Variants in TOPAZ1 observed in about 807,000 individuals in gnomAD.
The protein encoded by TOPAZ1 is testis and ovary specific TOPAZ 1.
In TOPAZ1, 66 loss-of-function variants were observed where a neutral mutation model predicts 172.2. That is an observed-to-expected ratio of 0.38 (90% CI 0.31 to 0.47). The LOEUF is 0.47. Among genes scored for constraint, TOPAZ1 ranks in the 20% least tolerant of loss-of-function variants. The probability of loss-of-function intolerance (pLI) is 0.99; values close to 1 mark genes in which losing one functional copy is unlikely to be tolerated. For missense variants in TOPAZ1, 1,822 were observed against 1,972.4 expected (o/e 0.92, Z 1.44); for synonymous variants, 681 against 683.9 (o/e 1.00, Z 0.07).
At chr3:44,254,269 A>T (rs894082858) in intron 2 of TOPAZ1, among the ~76,000 whole-genome samples, 2 of 152,294 alleles carry the variant, frequency 1.3e-5, no homozygotes, top group East Asian at 1.9e-4. Context: ...CTACCAAAAA[A>T]AATTGAGCTG....
At chr3:44,260,534 T>G (rs1699764265) in intron 4 of TOPAZ1, among the ~76,000 whole-genome samples, 1 of 152,120 alleles carries the variant, frequency 6.6e-6, no homozygotes, top group Non-Finnish European at 1.5e-5. Context: ...TGGTGTTACT[T>G]ATTATGTAAA....
intron 9 of TOPAZ1, among the ~76,000 whole-genome samples, chr3:44,286,563 G>A (rs1700081057): frequency 6.6e-6 from 1 of 152,088 alleles, no homozygotes; most frequent in Non-Finnish European, 1.5e-5. Context: ...TTTCATTTGT[G>A]CCACTGAACT....
chr3:44,328,177 G>A (rs1361799738), intron 18 of TOPAZ1, 73 bp from the exon 19 acceptor site: 1 of 889,866 alleles, frequency 1.1e-6, no homozygotes, highest in South Asian at 2.0e-5. Flanking sequence ...ATTATCGCCT[G>A]TAGGTATTTC....
At chr3:44,288,780 C>T (rs1322224526) in intron 11 of TOPAZ1, among the ~76,000 whole-genome samples, 1 of 152,116 alleles carries the variant, frequency 6.6e-6, no homozygotes. Flanking sequence ...GCAAAATGTA[C>T]CCCGCAGTGA....
chr3:44,317,135 C>T (rs900240405), intron 16 of TOPAZ1, among the ~76,000 whole-genome samples: 16 of 152,226 alleles, frequency 1.1e-4, no homozygotes, highest in South Asian at 4.1e-4. Context: ...CAAATGTATA[C>T]CTTGGCTGGG....
Position 44,242,315 on chromosome 3 carries a change from CCGGTG to C in TOPAZ1, c.263_267del (p.Pro88GlnfsTer18). ...GCGTCAGGTGGAGGGGCGCAGGGGC[CCGGTG>C]AGCCCGTCAGACTCGTCAGACCCGC... On this transcript the variant is annotated frameshift_variant, in exon 1 of 20. Coordinates refer to ENST00000309765, the MANE Select transcript of TOPAZ1 (RefSeq NM_001145030.2). LOFTEE classifies it high-confidence loss of function. 1 of 1,552,008 alleles carries C rather than the reference CCGGTG, an allele frequency of 6.4e-7. No homozygotes were observed. Among genetic ancestry groups the C allele is most frequent in the Middle Eastern group, 1.7e-4 (1 of 5,994 alleles).
intron 12 of TOPAZ1, among the ~76,000 whole-genome samples, chr3:44,292,596 T>C (rs1700149776): frequency 6.6e-6 from 1 of 152,206 alleles, no homozygotes; most frequent in Admixed American, 6.5e-5. Flanking sequence ...CATGCAATGA[T>C]TGACAGCAGA....
intron 12 of TOPAZ1, among the ~76,000 whole-genome samples, chr3:44,300,606 A>G (rs62251338): frequency 1.5e-4 from 23 of 152,298 alleles, no homozygotes; most frequent in African/African-American, 5.5e-4. Flanking sequence ...TTTTTTTTAA[A>G]TATTGTTAAC....
At chr3:44,268,560 G>A (rs1035112409) in intron 6 of TOPAZ1, among the ~76,000 whole-genome samples, 1 of 151,682 alleles carries the variant, frequency 6.6e-6, no homozygotes, top group Non-Finnish European at 1.5e-5. Context: ...TTTTAGTAGA[G>A]ACGAGGTTTC....
chr3:44,282,505 C>T (rs1206648463), intron 9 of TOPAZ1, among the ~76,000 whole-genome samples: 1 of 152,170 alleles, frequency 6.6e-6, no homozygotes, highest in Non-Finnish European at 1.5e-5. Context: ...CTGGTTCCAT[C>T]CCATTTCCTC....
chr3:44,254,430 C>T (rs1374792763), intron 2 of TOPAZ1, among the ~76,000 whole-genome samples: 1 of 151,994 alleles, frequency 6.6e-6, no homozygotes, highest in Non-Finnish European at 1.5e-5. Context: ...GAGTTTGAGA[C>T]CAGCCTGACC....
At chr3:44,287,102 G>A (rs1331140637) in intron 9 of TOPAZ1, among the ~76,000 whole-genome samples, 1 of 152,176 alleles carries the variant, frequency 6.6e-6, no homozygotes, top group Non-Finnish European at 1.5e-5. Context: ...CTCTGTAGGA[G>A]CTCATATTGA....
At chr3:44,247,895 C>T (rs902429877) in intron 2 of TOPAZ1, among the ~76,000 whole-genome samples, 1 of 152,172 alleles carries the variant, frequency 6.6e-6, no homozygotes, top group Non-Finnish European at 1.5e-5. Context: ...AAGTGATCTG[C>T]CTGCCTTGGC....
At chr3:44,255,651 C>CAAAA (rs10663255) in intron 3 of TOPAZ1, among the ~76,000 whole-genome samples, 78 of 86,216 alleles carry the variant, frequency 9.0e-4, no homozygotes, top group African/African-American at 2.5e-3. Flanking sequence ...GACTCTGTCT[C>CAAAA]AAAAAAAAAA....
chr3:44,318,837 A>T (rs1316472151), intron 16 of TOPAZ1, among the ~76,000 whole-genome samples: 1 of 147,874 alleles, frequency 6.8e-6, no homozygotes, highest in Non-Finnish European at 1.5e-5. Flanking sequence ...TTATATAATT[A>T]TATTAAATGT....
intron 5 of TOPAZ1, among the ~76,000 whole-genome samples, 181 bp from the exon 6 acceptor site, chr3:44,266,816 G>A (rs1012206983): frequency 6.6e-6 from 1 of 152,132 alleles, no homozygotes; most frequent in Non-Finnish European, 1.5e-5. Flanking sequence ...AAGTGAGCAC[G>A]TGCTGTTAGA....
At chr3:44,262,908 C>A (rs1025211462) in intron 5 of TOPAZ1, among the ~76,000 whole-genome samples, 1 of 152,198 alleles carries the variant, frequency 6.6e-6, no homozygotes, top group Admixed American at 6.5e-5. Flanking sequence ...TAAAGACCAT[C>A]TGATCCATCC....
At chr3:44,297,997 A>G (rs955275297) in intron 12 of TOPAZ1, among the ~76,000 whole-genome samples, 6 of 152,220 alleles carry the variant, frequency 3.9e-5, no homozygotes, top group Non-Finnish European at 7.3e-5. Flanking sequence ...TAGAGATACT[A>G]CATTCATGGG....
At chr3:44,264,063 A>T (rs569410666) in intron 5 of TOPAZ1, among the ~76,000 whole-genome samples, 2 of 152,342 alleles carry the variant, frequency 1.3e-5, no homozygotes, top group Non-Finnish European at 2.9e-5. Context: ...TTATCAGTAG[A>T]ATAATTTAAT....
Sources: allele counts gnomAD v4.1 joint callset (sites outside exome capture counted in the v4.1 genomes callset), GRCh38; gene constraint gnomAD v4.1.1; transcripts MANE v1.5; gene names NCBI Gene and HGNC (gene_info 2026-07-23, HGNC 2026-07-21).